WLS: variants seen among roughly 807,000 people sequenced by gnomAD.
WLS encodes the protein Wnt ligand secretion mediator.
A neutral mutation model predicts 62.8 loss-of-function variants in WLS; 23 were observed. The observed-to-expected ratio is 0.37, with a 90% CI of 0.26 to 0.52. The LOEUF is 0.52. Among genes scored for constraint, WLS ranks in the 20% least tolerant of loss-of-function variants. The pLI, the probability that WLS is intolerant of heterozygous loss-of-function variation, is 0.92. For missense variants in WLS, 615 were observed against 697.3 expected (o/e 0.88, Z 1.33); for synonymous variants, 246 against 244.1 (o/e 1.01, Z -0.07).
At chr1:68,203,899 C>G (rs956032675) in intron 1 of WLS, among the ~76,000 whole-genome samples, 4 of 152,116 alleles carry the variant, frequency 2.6e-5, no homozygotes, top group African/African-American at 7.2e-5. Context: ...AGAGCAAGAG[C>G]CTGAACTAAA....
At chr1:68,153,828 G>A (rs1430759) in intron 4 of WLS, among the ~76,000 whole-genome samples, 175 bp from the exon 5 acceptor site, 50,174 of 151,976 alleles carry the variant, frequency 0.33, 9,002 homozygotes, top group East Asian at 0.42. Context: ...TCTCCTCAGA[G>A]ATAATAGAAA....
intron 2 of WLS, chr1:68,162,643 G>T (rs796340214): frequency 8.1e-7 from 1 of 1,239,668 alleles, no homozygotes; most frequent in Non-Finnish European, 1.2e-6. Flanking sequence ...GTACAGCCAT[G>T]TGTTCCTCTG....
intron 1 of WLS, among the ~76,000 whole-genome samples, chr1:68,225,873 T>C (rs1267248321): frequency 6.6e-6 from 1 of 152,168 alleles, no homozygotes; most frequent in African/African-American, 2.4e-5. Flanking sequence ...AATCACCAAC[T>C]AGAGAAAATA....
intron 2 of WLS, among the ~76,000 whole-genome samples, chr1:68,180,400 C>A (rs1647484620): frequency 6.6e-6 from 1 of 151,964 alleles, no homozygotes; most frequent in African/African-American, 2.4e-5. Flanking sequence ...GAATAATGGG[C>A]AAAGCAAGAT....
At chr1:68,232,146 G>GCC in intron 1 of WLS, 48 bp downstream of exon 1, 1 of 1,611,972 alleles carries the variant, frequency 6.2e-7, no homozygotes, top group Non-Finnish European at 8.5e-7. Flanking sequence ...GAGGGAAGGG[G>GCC]CCCGAAAAGA....
chr1:68,221,289 T>G (rs978079692), intron 1 of WLS, among the ~76,000 whole-genome samples: 3 of 152,162 alleles, frequency 2.0e-5, no homozygotes, highest in African/African-American at 7.2e-5. Flanking sequence ...CACAGTTGCC[T>G]GTCACAGCCA....
chr1:68,132,920 G>T (rs1206073820), intron 11 of WLS, among the ~76,000 whole-genome samples: 1 of 152,128 alleles, frequency 6.6e-6, no homozygotes. Flanking sequence ...CCGGGAGGTG[G>T]TATTTTTGCT....
Position 68,202,000 on chromosome 1 carries a change from A to C in WLS, c.107-7773T>G, listed in dbSNP as rs7529246. The C allele has an allele frequency of 2.0e-5, 3 of 152,230 alleles. No individual in the cohort carries two copies. In the East Asian group the frequency reaches 5.8e-4, roughly 29 times the overall value. 9.4% of individuals were successfully genotyped at this position (152,230 alleles called of 1,614,324 possible). A position where few individuals can be genotyped will look rare whatever the true frequency, so the allele number is the denominator to read the frequency against. ...GAGGATTTTAAATGCTTCGCCTACA[A>C]CCTCAATTGTTGTGGAGCCAAAGAT... On this transcript the variant is annotated intron_variant, in intron 1 of 11. Coordinates refer to ENST00000262348, the MANE Select transcript of WLS (RefSeq NM_024911.7).
intron 1 of WLS, among the ~76,000 whole-genome samples, chr1:68,205,119 C>G (rs924959684): frequency 6.6e-6 from 1 of 152,168 alleles, no homozygotes; most frequent in Non-Finnish European, 1.5e-5. Flanking sequence ...CCGCCTGTAT[C>G]AAAGTACACT....
chr1:68,190,109 A>G (rs1308152565), intron 2 of WLS, among the ~76,000 whole-genome samples: 1 of 152,264 alleles, frequency 6.6e-6, no homozygotes, highest in Non-Finnish European at 1.5e-5. Context: ...ATTATTATCC[A>G]TATTTTACAA....
intron 1 of WLS, among the ~76,000 whole-genome samples, chr1:68,209,822 A>AGAGATGAGT (rs1328271427): frequency 6.6e-6 from 1 of 152,142 alleles, no homozygotes; most frequent in Non-Finnish European, 1.5e-5. Flanking sequence ...ATCTCCATTC[A>AGAGATGAGT]GAGATGAGTA....
rs531421805 is a variant in WLS at position 68,209,729 on chromosome 1, C to T, written c.107-15502G>A. 2.5e-3 allele frequency among the ~76,000 whole-genome samples: 372 copies of T among 151,230 alleles called. 1 individual carries two copies. Among genetic ancestry groups the T allele is most frequent in the African/African-American group, 8.6e-3 (355 of 41,138 alleles). On this transcript the variant is annotated intron_variant, in intron 1 of 11. Transcript: ENST00000262348. ...CTGGGAAGCGGAGGTTGCGGTGAGCCAAGATTGCACAATTGCGCTCCAGCC... is the reference window on the plus strand; with the variant it reads ...CTGGGAAGCGGAGGTTGCGGTGAGCTAAGATTGCACAATTGCGCTCCAGCC...
chr1:68,173,168 C>T (rs534606134), intron 2 of WLS, among the ~76,000 whole-genome samples: 1 of 152,312 alleles, frequency 6.6e-6, no homozygotes, highest in African/African-American at 2.4e-5. Flanking sequence ...ACCAATCTTT[C>T]GCTAACAAAG....
At chr1:68,231,241 C>G (rs1037151330) in intron 1 of WLS, among the ~76,000 whole-genome samples, 2 of 152,076 alleles carry the variant, frequency 1.3e-5, no homozygotes, top group African/African-American at 4.8e-5. Context: ...TTTCTTCACC[C>G]GGAAGCCTGT....
At chr1:68,205,869 T>C (rs1272279302) in intron 1 of WLS, among the ~76,000 whole-genome samples, 1 of 152,350 alleles carries the variant, frequency 6.6e-6, no homozygotes, top group East Asian at 1.9e-4. Flanking sequence ...TAAATGATTT[T>C]TTTCTCTCTG....
At chr1:68,202,192 T>C (rs1246305657) in intron 1 of WLS, 1 of 152,220 alleles carries the variant, frequency 6.6e-6, no homozygotes, top group Non-Finnish European at 1.5e-5. Flanking sequence ...CGAGCCAAAC[T>C]CTTACATAGT....
chr1:68,202,076 G>A lies in WLS; in HGVS notation c.107-7849C>T, dbSNP rs915136119. 6.6e-5 allele frequency: 10 copies of A among 152,298 alleles called. 1 individual carries two copies. The highest frequency in any genetic ancestry group is 3.9e-4 in the East Asian group (2 of 5,186). 9.4% of individuals were successfully genotyped at this position (152,298 alleles called of 1,614,324 possible). A position where few individuals can be genotyped will look rare whatever the true frequency, so the allele number is the denominator to read the frequency against. Reference sequence around the variant, plus strand: ...TTACTCTATATTTGTCAGGATCTACGTGGCAAACAAGCGCCACTTGGCTTA... The same window carrying A: ...TTACTCTATATTTGTCAGGATCTACATGGCAAACAAGCGCCACTTGGCTTA... On this transcript the variant is annotated intron_variant, in intron 1 of 11. Coordinates refer to ENST00000262348, the MANE Select transcript of WLS (RefSeq NM_024911.7).
intron 2 of WLS, chr1:68,186,671 T>C: frequency 2.2e-6 from 1 of 456,150 alleles, no homozygotes; most frequent in South Asian, 1.5e-5. Flanking sequence ...GAATCCAAAG[T>C]AATGATAAAC....
downstream of WLS, among the ~76,000 whole-genome samples, chr1:68,120,452 C>T (rs1170909279): frequency 6.6e-6 from 1 of 152,210 alleles, no homozygotes; most frequent in East Asian, 1.9e-4. Flanking sequence ...TTGCAGCTCA[C>T]AACATTCTTG....
Sources: gnomAD v4.1 joint callset for allele counts (sites outside exome capture counted in the v4.1 genomes callset) on GRCh38, gnomAD v4.1.1 for gene constraint, MANE v1.5 for transcripts, NCBI Gene and HGNC (gene_info 2026-07-23, HGNC 2026-07-21) for gene names.